The following SNTB2 variants were observed in gnomAD, a reference collection of about 807,000 sequenced individuals.
SNTB2 encodes beta-2-syntrophin.
Under a neutral mutation model 46.2 loss-of-function variants are expected in SNTB2, and 34 were observed. The ratio of observed to expected loss-of-function variants is 0.74; its 90% CI spans 0.56 to 0.98. The LOEUF (loss-of-function observed/expected upper bound fraction) is 0.98, where lower values mean the gene tolerates loss of function less well. Among genes scored for constraint, SNTB2 ranks in the 50% least tolerant of loss-of-function variants. The pLI is 0.00. For synonymous variants in SNTB2, 290 were observed against 312.6 expected, an observed-to-expected ratio of 0.93 and a Z score of 0.76; for missense variants, 603 against 731.4, an observed-to-expected ratio of 0.82 and a Z score of 2.02.
chr16:69,290,236 C>T (rs895691035), intron 5 of SNTB2, among the ~76,000 whole-genome samples: 1 of 152,130 alleles, frequency 6.6e-6, no homozygotes, highest in South Asian at 2.1e-4. Flanking sequence ...CAGCTCTCTT[C>T]CTCAAGTACA....
Position 69,236,908 on chromosome 16 carries a change from A to G in SNTB2, c.581-8694A>G, listed in dbSNP as rs77259334. ...AGAATTAACCACCTGGGCAACCTTT[A>G]ATAAAATACAGAAGAGTGTGCTTCA... is the stretch of plus-strand genomic sequence containing the variant. On this transcript the variant is annotated intron_variant, in intron 1 of 6. Coordinates refer to ENST00000336278, the MANE Select transcript of SNTB2 (RefSeq NM_006750.4). Among the ~76,000 whole-genome samples the G allele has an allele frequency of 4.6e-3, 702 of 152,298 alleles. 31 individuals carry two copies. The South Asian group carries it at 0.091, about 20-fold the overall frequency.
At chr16:69,207,449 C>T (rs183673820) in intron 1 of SNTB2, among the ~76,000 whole-genome samples, 67 of 152,194 alleles carry the variant, frequency 4.4e-4, no homozygotes, top group Non-Finnish European at 6.6e-4. Context: ...TGAGCCACCG[C>T]GCCTGGTCAA....
chr16:69,242,262 C>CA (rs1206961402), intron 1 of SNTB2, among the ~76,000 whole-genome samples: 3 of 151,878 alleles, frequency 2.0e-5, no homozygotes, highest in Non-Finnish European at 2.9e-5. Flanking sequence ...CTTGTCTCTA[C>CA]AAAAAATTAA....
At chr16:69,245,059 A>G (rs1964656106) in intron 1 of SNTB2, among the ~76,000 whole-genome samples, 2 of 152,232 alleles carry the variant, frequency 1.3e-5, no homozygotes, top group Non-Finnish European at 1.5e-5. Flanking sequence ...GCTTGAGAAG[A>G]CAGGGAACCA....
chr16:69,283,093 A>G (rs1388722140), intron 4 of SNTB2, among the ~76,000 whole-genome samples: 1 of 152,076 alleles, frequency 6.6e-6, no homozygotes, highest in Non-Finnish European at 1.5e-5. Context: ...ACAGATGCAC[A>G]CCACCATGCT....
At chr16:69,227,866 T>C (rs1423411956) in intron 1 of SNTB2, among the ~76,000 whole-genome samples, 1 of 122,318 alleles carries the variant, frequency 8.2e-6, no homozygotes, top group Non-Finnish European at 1.8e-5. Context: ...TTTTTTTTTT[T>C]AAGATAAGTA....
At position 69,260,106 on chromosome 16, in the gene SNTB2, A is replaced by T; in HGVS notation, c.851A>T (p.Asp284Val). The change falls in exon 3 of 7, where the codon GAT (aspartate) becomes GTT (valine). Residue 284 changes from aspartate (D) to valine (V), a missense_variant. This residue lies in a region of SNTB2 where 537 missense variants were observed against 692.4 expected (regional missense o/e 0.78). Transcript: ENST00000336278. ...SRNTLILRCK[D>V]TATAHSWFVA... ...AACACGTTGATCCTACGCTGCAAAG[A>T]TACAGCCACAGCACACTCCTGGTTC... 6.2e-7 allele frequency: 1 copy of T among 1,613,978 alleles called. No individual in the cohort carries two copies. Among genetic ancestry groups the T allele is most frequent in the Non-Finnish European group, 8.5e-7 (1 of 1,179,972 alleles).
At chr16:69,190,429 TAACTC>T (rs1039991843) in intron 1 of SNTB2, among the ~76,000 whole-genome samples, 2 of 152,236 alleles carry the variant, frequency 1.3e-5, no homozygotes, top group African/African-American at 4.8e-5. Context: ...GATATTTACT[TAACTC>T]TTAACTCATG....
chr16:69,292,520 C>A (rs1965183608), intron 5 of SNTB2, among the ~76,000 whole-genome samples: 1 of 141,832 alleles, frequency 7.1e-6, no homozygotes, highest in Admixed American at 7.2e-5. Context: ...TGGCTCACTG[C>A]AACCTCCGCC....
chr16:69,218,092 T>C (rs1169572671), intron 1 of SNTB2, among the ~76,000 whole-genome samples: 2 of 152,212 alleles, frequency 1.3e-5, no homozygotes, highest in East Asian at 3.8e-4. Context: ...TATAGCTCTA[T>C]AATTCATGTA....
intron 4 of SNTB2, among the ~76,000 whole-genome samples, chr16:69,271,819 G>A (rs369155972): frequency 1.2e-4 from 19 of 152,246 alleles, no homozygotes; most frequent in South Asian, 8.3e-4. Flanking sequence ...ACCACGTTCC[G>A]TAGAAGAGCT....
At position 69,245,513 on chromosome 16, in the gene SNTB2, T is replaced by C. The variant is rs546316490; in HGVS notation, c.581-89T>C. The C allele has an allele frequency of 1.7e-5, 22 of 1,279,130 alleles. No homozygotes were observed. The East Asian group carries it at 4.9e-4, about 28-fold the overall frequency. The allele number at this position is 1,279,130 out of a possible 1,614,324, so 79.2% of individuals were successfully genotyped here. ...CCCAGCTCTTTCCTCCACTTTGTTA[T>C]AGATATAGCATGTATGTGAATACTT... is the stretch of plus-strand genomic sequence containing the variant. On this transcript the variant is annotated intron_variant, in intron 1 of 6. Transcript: ENST00000336278.
At position 69,209,624 on chromosome 16, in the gene SNTB2, C is replaced by T. The variant is rs529417358; in HGVS notation, c.580+21878C>T. Reference sequence around the variant, plus strand: ...TGGCCATTGGTGGAAATACTTTAAACAGTTTTTGTAGCTATCACAGTAGCT... The same window carrying T: ...TGGCCATTGGTGGAAATACTTTAAATAGTTTTTGTAGCTATCACAGTAGCT... On this transcript the variant is annotated intron_variant, in intron 1 of 6. Coordinates refer to ENST00000336278, the MANE Select transcript of SNTB2 (RefSeq NM_006750.4). Among the ~76,000 whole-genome samples, 6 of 152,304 alleles carry T rather than the reference C, an allele frequency of 3.9e-5. No individual in the cohort carries two copies. In the South Asian group the frequency reaches 1.2e-3, roughly 32 times the overall value.
intron 1 of SNTB2, among the ~76,000 whole-genome samples, chr16:69,210,450 C>CTGTT (rs1567398042): frequency 6.6e-6 from 1 of 151,936 alleles, no homozygotes; most frequent in Non-Finnish European, 1.5e-5. Flanking sequence ...GTTGCCCAGG[C>CTGTT]TGTTCTTGAA....
intron 2 of SNTB2, among the ~76,000 whole-genome samples, chr16:69,257,089 T>G (rs1351044325): frequency 1.3e-5 from 2 of 151,442 alleles, no homozygotes; most frequent in Non-Finnish European, 2.9e-5. Flanking sequence ...GAGAATCGCT[T>G]GAACCCGGCA....
At chr16:69,297,278 G>A (rs1229549603) in intron 5 of SNTB2, among the ~76,000 whole-genome samples, 2 of 114,584 alleles carry the variant, frequency 1.7e-5, no homozygotes, top group Admixed American at 1.3e-4. Context: ...GTGCACTCCA[G>A]TCTAGGTGAC....
chr16:69,236,281 C>T (rs929869165), intron 1 of SNTB2, among the ~76,000 whole-genome samples: 5 of 152,096 alleles, frequency 3.3e-5, no homozygotes, highest in Non-Finnish European at 5.9e-5. Context: ...TCTTTTAAAT[C>T]GGGAGTGGCC....
intron 2 of SNTB2, among the ~76,000 whole-genome samples, chr16:69,256,177 C>T (rs1041115761): frequency 6.6e-6 from 1 of 151,984 alleles, no homozygotes. Context: ...AAGAGCGAAA[C>T]TCCGTCTCAA....
At chr16:69,196,524 G>A (rs1369465651) in intron 1 of SNTB2, among the ~76,000 whole-genome samples, 3 of 151,680 alleles carry the variant, frequency 2.0e-5, no homozygotes, top group East Asian at 1.9e-4. Flanking sequence ...ACAGACACGC[G>A]CTACCATGCC....
Sources: gnomAD v4.1 joint callset for allele counts (sites outside exome capture counted in the v4.1 genomes callset) on GRCh38, gnomAD v4.1.1 for gene constraint, gnomAD v4.1.1 regional missense constraint, MANE v1.5 for transcripts, NCBI Gene and HGNC (gene_info 2026-07-23, HGNC 2026-07-21) for gene names.